GSTO1: variants seen among roughly 807,000 people sequenced by gnomAD.
The protein encoded by GSTO1 is glutathione S-transferase omega-1.
GSTO1 carries 27 observed loss-of-function variants against 23.8 expected under a neutral mutation model. That is an observed-to-expected ratio of 1.13 (90% CI 0.83 to 1.56). The LOEUF (loss-of-function observed/expected upper bound fraction) is 1.56. GSTO1 is among the 40% of genes most tolerant of loss of function. The pLI, the probability that GSTO1 is intolerant of heterozygous loss-of-function variation, is 0.00. For synonymous variants in GSTO1, 105 were observed against 109.3 expected, an observed-to-expected ratio of 0.96 and a Z score of 0.25; for missense variants, 255 against 285.8, an observed-to-expected ratio of 0.89 and a Z score of 0.78.
Position 104,266,127 on chromosome 10 carries a change from T to C in GSTO1, c.509T>C (p.Ile170Thr), listed in dbSNP as rs1165520884. ...KKTTFFGGNSISMIDYLIWPW... is the reference protein window; with the variant it reads ...KKTTFFGGNSTSMIDYLIWPW... The stretch of plus-strand genomic sequence containing the variant: ...ACGACCTTCTTTGGTGGCAATTCTA[T>C]CTCTATGATTGATTACCTCATCTGG... Residue 170 changes from isoleucine (I) to threonine (T), a missense_variant, in exon 5 of 6, where the codon ATC (isoleucine) becomes ACC (threonine). Transcript: ENST00000369713. The C allele has an allele frequency of 6.2e-7, 1 of 1,611,194 alleles. No individual in the cohort carries two copies. Among genetic ancestry groups the C allele is most frequent in the Non-Finnish European group, 8.5e-7 (1 of 1,177,344 alleles).
At chr10:104,262,880 C>A in intron 3 of GSTO1, 99 bp from the exon 4 acceptor site, 1 of 596,718 alleles carries the variant, frequency 1.7e-6, no homozygotes, top group African/African-American at 1.9e-5. Flanking sequence ...TCTAGAACAC[C>A]TTGACACCAG....
In GSTO1 at chr10:104,254,906, A is replaced by T. The variant is rs755599300; in HGVS notation, c.-23A>T. 1.2e-6 allele frequency: 2 copies of T among 1,610,244 alleles called. No individual in the cohort carries two copies. Among genetic ancestry groups the T allele is most frequent in the Non-Finnish European group, 1.7e-6 (2 of 1,178,496 alleles). On this transcript the variant is annotated 5_prime_UTR_variant, in exon 1 of 6. Transcript: ENST00000369713. ...CTGAATCCCCTGCAAACCCCAGAGG[A>T]GCTCGGCCTGCGCTGCGCCACGATG...
At chr10:104,255,421 A>G in intron 2 of GSTO1, 150 bp downstream of exon 2, 1 of 609,618 alleles carries the variant, frequency 1.6e-6, no homozygotes. Flanking sequence ...GGAAAATAGC[A>G]AGTTATAGGC....
intron 2 of GSTO1, 29 bp downstream of exon 2, chr10:104,255,300 G>T (rs764880585): frequency 4.7e-6 from 7 of 1,474,874 alleles, no homozygotes; most frequent in African/African-American, 1.4e-5. Flanking sequence ...GACGCTCCCC[G>T]AGCCGTCCGG....
rs1239951334 is a variant in GSTO1, at chr10:104,267,421, G to A, written c.*16G>A. 1.9e-6 allele frequency: 3 copies of A among 1,564,560 alleles called. No homozygotes were observed. Among genetic ancestry groups the A allele is most frequent in the Non-Finnish European group, 1.7e-6 (2 of 1,157,166 alleles). ...TGGGCTCTGAAGGGGGCAGGAGTCA[G>A]CAATAAAGCTATGTCTGATATTTTC... On this transcript the variant is annotated 3_prime_UTR_variant, in exon 6 of 6. Transcript: ENST00000369713.
intron 4 of GSTO1, among the ~76,000 whole-genome samples, chr10:104,264,196 C>G (rs898131271): frequency 6.6e-6 from 1 of 152,006 alleles, no homozygotes; most frequent in African/African-American, 2.4e-5. Flanking sequence ...AACATTTGAG[C>G]CTGGTGTCTT....
intron 3 of GSTO1, among the ~76,000 whole-genome samples, chr10:104,261,128 G>A (rs2011137319): frequency 6.6e-6 from 1 of 152,170 alleles, no homozygotes; most frequent in Non-Finnish European, 1.5e-5. Flanking sequence ...GGGTAACTTT[G>A]GAGAGGTAAA....
chr10:104,265,188 C>T (rs1292271066), intron 4 of GSTO1, among the ~76,000 whole-genome samples: 1 of 152,180 alleles, frequency 6.6e-6, no homozygotes, highest in Non-Finnish European at 1.5e-5. Flanking sequence ...TTTCACAAAG[C>T]GAACACAGCC....
chr10:104,266,352 C>T lies in GSTO1; in HGVS notation c.572+162C>T, dbSNP rs2011183098. Among the ~76,000 whole-genome samples the T allele has an allele frequency of 2.6e-5, 4 of 152,218 alleles. No homozygotes were observed. The South Asian group carries it at 8.3e-4, about 32-fold the overall frequency. On this transcript the variant is annotated intron_variant, in intron 5 of 5. Coordinates refer to ENST00000369713, the MANE Select transcript of GSTO1 (RefSeq NM_004832.3). Reference sequence around the variant, plus strand: ...CTATCCCAGGCATGTCATATACCTACACTAACTACTCTCCATCACTGCAAT... The same window carrying T: ...CTATCCCAGGCATGTCATATACCTATACTAACTACTCTCCATCACTGCAAT...
At position 104,266,110 on chromosome 10, in the gene GSTO1, C is replaced by T; in HGVS notation, c.492C>T (p.Phe164=). 6.2e-7 allele frequency: 1 copy of T among 1,606,702 alleles called. No homozygotes were observed. The highest frequency in any genetic ancestry group is 2.2e-5 in the East Asian group (1 of 44,830). Residue 164 remains phenylalanine (F), a synonymous_variant, in exon 5 of 6, where the codon TTC becomes TTT. Coordinates refer to ENST00000369713, the MANE Select transcript of GSTO1 (RefSeq NM_004832.3). ...TTCTGACTAATAAGAAGACGACCTT[C>T]TTTGGTGGCAATTCTATCTCTATGA... ...EEVLTNKKTT[F]FGGNSISMID... is the part of the protein sequence containing the mutation.
rs1031409217 is a variant in GSTO1 at position 104,262,999 on chromosome 10, C to T, written c.387C>T (p.Ser129=). 1 of 1,515,816 alleles carries T rather than the reference C, an allele frequency of 6.6e-7. No individual in the cohort carries two copies. Among genetic ancestry groups the T allele is most frequent in the Non-Finnish European group, 9.1e-7 (1 of 1,094,314 alleles). The allele number at this position is 1,515,816 out of a possible 1,614,324, so 93.9% of individuals were successfully genotyped here. The change falls in exon 4 of 6, where the codon AGC becomes AGT. Residue 129 remains serine (S), a synonymous_variant. Coordinates refer to ENST00000369713, the MANE Select transcript of GSTO1 (RefSeq NM_004832.3). ...TCTAGGTGCCATCCTTGGTAGGAAG[C>T]TTTATTAGAAGCCAAAATAAAGAAG... ...LFSKVPSLVG[S]FIRSQNKEDY...
intron 3 of GSTO1, 63 bp downstream of exon 3, chr10:104,259,861 C>A: frequency 9.6e-7 from 1 of 1,046,456 alleles, no homozygotes; most frequent in Non-Finnish European, 1.5e-6. Flanking sequence ...GAAATCAGTG[C>A]TGCCATTTAT....
intron 3 of GSTO1, 52 bp downstream of exon 3, chr10:104,259,850 C>T (rs376337936): frequency 2.5e-5 from 29 of 1,149,914 alleles, no homozygotes; most frequent in East Asian, 1.6e-4. Context: ...TTTTTTAAAG[C>T]GAAATCAGTG....
chr10:104,259,429 T>C (rs2011117235), intron 2 of GSTO1, 147 bp from the exon 3 acceptor site: 1 of 606,386 alleles, frequency 1.6e-6, no homozygotes, highest in Non-Finnish European at 2.9e-6. Flanking sequence ...GTCAGATTCA[T>C]AAAATCAAAA....
At position 104,259,769 on chromosome 10, in the gene GSTO1, CAGA is replaced by C. The variant is rs947854586; in HGVS notation, c.341_343del (p.Lys114del). 1 of 1,612,828 alleles carries C rather than the reference CAGA, an allele frequency of 6.2e-7. No homozygotes were observed. Among genetic ancestry groups the C allele is most frequent in the African/African-American group, 1.3e-5 (1 of 74,868 alleles). On this transcript the variant is annotated inframe_deletion, in exon 3 of 6. Coordinates refer to ENST00000369713, the MANE Select transcript of GSTO1 (RefSeq NM_004832.3). ...GGATGACCCCTATGAGAAAGCTTGC[CAGA>C]AGATGATCTTAGAGTTGTTTTCTAA... is the stretch of plus-strand genomic sequence containing the variant.
At chr10:104,254,728 C>T (rs1367188027), upstream of GSTO1, 1 of 622,954 alleles carries the variant, frequency 1.6e-6, no homozygotes, top group Non-Finnish European at 2.9e-6. Context: ...CAGCGAGATG[C>T]TTTGACACAG....
chr10:104,255,100 G>A (rs2091595656), intron 1 of GSTO1, 63 bp from the exon 2 acceptor site: 1 of 1,443,610 alleles, frequency 6.9e-7, no homozygotes, highest in Non-Finnish European at 9.7e-7. Flanking sequence ...ACGCGGGGGC[G>A]GTGGGATACG....
In GSTO1 at chr10:104,263,071, AGAG is replaced by A. The variant is rs72323784; in HGVS notation, c.464_465+1del. On this transcript the variant is annotated inframe_deletion, in exon 4 of 6. Transcript: ENST00000369713. Reference sequence around the variant, plus strand: ...AATTTCGTAAAGAATTTACCAAGCTAGAGGAGGTAATTATTTCTCCTAGCTATC... The same window carrying A: ...AATTTCGTAAAGAATTTACCAAGCTAGAGGTAATTATTTCTCCTAGCTATC... 0.031 allele frequency: 39,755 copies of A among 1,302,596 alleles called. 1,111 individuals carry two copies. Among genetic ancestry groups the A allele is most frequent in the South Asian group, 0.11 (8,863 of 82,422 alleles). The allele number at this position is 1,302,596 out of a possible 1,614,324, so 80.7% of individuals were successfully genotyped here. A position where few individuals can be genotyped will look rare whatever the true frequency, so the allele number is the denominator to read the frequency against.
At chr10:104,264,420 A>C (rs988750883) in intron 4 of GSTO1, among the ~76,000 whole-genome samples, 2 of 152,198 alleles carry the variant, frequency 1.3e-5, no homozygotes, top group Non-Finnish European at 1.5e-5. Flanking sequence ...TAAAATGCAT[A>C]TTATGCATTG....
Sources: allele counts gnomAD v4.1 joint callset (sites outside exome capture counted in the v4.1 genomes callset), GRCh38; gene constraint gnomAD v4.1.1; transcripts MANE v1.5; gene names NCBI Gene and HGNC (gene_info 2026-07-23, HGNC 2026-07-21).